SEMA3A: variants seen among roughly 807,000 people sequenced by gnomAD.
SEMA3A encodes semaphorin 3A.
A neutral mutation model predicts 97.9 loss-of-function variants in SEMA3A; 29 were observed. That is an observed-to-expected ratio of 0.30 (90% CI 0.22 to 0.40). The LOEUF (loss-of-function observed/expected upper bound fraction) is 0.40. Ranked by LOEUF, SEMA3A falls within the 10% of genes least tolerant of loss-of-function variation. The probability of loss-of-function intolerance (pLI) is 1.00; values close to 1 mark genes in which losing one functional copy is unlikely to be tolerated. For missense variants in SEMA3A, 763 were observed against 951.3 expected, an observed-to-expected ratio of 0.80 and a Z score of 2.60; for synonymous variants, 321 against 323.7, an observed-to-expected ratio of 0.99 and a Z score of 0.09.
chr7:84,017,631 T>G (rs1791159410), intron 6 of SEMA3A, among the ~76,000 whole-genome samples: 1 of 152,206 alleles, frequency 6.6e-6, no homozygotes, highest in African/African-American at 2.4e-5. Flanking sequence ...AAAGGAGCCA[T>G]TCTTCTAATG....
chr7:84,291,198 T>G (rs1800735205), intron 3 of SEMA3A, among the ~76,000 whole-genome samples: 1 of 152,096 alleles, frequency 6.6e-6, no homozygotes, highest in African/African-American at 2.4e-5. Context: ...ATAAAAATTT[T>G]AGATAATAAA....
chr7:84,091,135 AGAAGGAAG>A lies in SEMA3A; in HGVS notation c.453+19327_453+19334del, dbSNP rs1272289412. Among the ~76,000 whole-genome samples the A allele has an allele frequency of 2.4e-3, 122 of 50,964 alleles. 9 individuals carry two copies. The highest frequency in any genetic ancestry group is 3.1e-3 in the South Asian group (5 of 1,636). 33.4% of individuals were successfully genotyped at this position (50,964 alleles called of 152,430 possible). Reference sequence around the variant, plus strand: ...GAAAGAAAGAAAAAGAAAGAAAGAAAGAAGGAAGGAAGGAAGGAAGGAAGGAAGGAAGG... The same window carrying A: ...GAAAGAAAGAAAAAGAAAGAAAGAAAGAAGGAAGGAAGGAAGGAAGGAAGG... On this transcript the variant is annotated intron_variant, in intron 4 of 16. Coordinates refer to ENST00000265362, the MANE Select transcript of SEMA3A (RefSeq NM_006080.3).
chr7:84,068,282 G>T, intron 4 of SEMA3A, among the ~76,000 whole-genome samples: 1 of 145,480 alleles, frequency 6.9e-6, no homozygotes, highest in African/African-American at 2.6e-5. Context: ...GTGGGGTGGG[G>T]TGAGGGGGGA....
At chr7:84,181,039 A>G (rs1467167446) in intron 1 of SEMA3A, among the ~76,000 whole-genome samples, 1 of 152,078 alleles carries the variant, frequency 6.6e-6, no homozygotes, top group Non-Finnish European at 1.5e-5. Context: ...GTCTAACAAA[A>G]TATGAACTTA....
At chr7:84,180,610 C>T (rs971118334) in intron 1 of SEMA3A, among the ~76,000 whole-genome samples, 8 of 152,220 alleles carry the variant, frequency 5.3e-5, no homozygotes, top group African/African-American at 1.9e-4. Context: ...ATCACTTGAA[C>T]CCGGGAGGCT....
At chr7:84,344,970 T>A (rs1802260794) in intron 2 of SEMA3A, among the ~76,000 whole-genome samples, 1 of 152,122 alleles carries the variant, frequency 6.6e-6, no homozygotes, top group South Asian at 2.1e-4. Flanking sequence ...GTAAAGAACA[T>A]CTACAACACA....
intron 15 of SEMA3A, among the ~76,000 whole-genome samples, chr7:83,965,460 A>C (rs1788633997): frequency 6.6e-6 from 1 of 151,010 alleles, no homozygotes; most frequent in Admixed American, 6.6e-5. Context: ...TGTCTCTTGC[A>C]TAATCTGCTA....
intron 2 of SEMA3A, among the ~76,000 whole-genome samples, chr7:84,323,143 T>C (rs1377154751): frequency 6.6e-6 from 1 of 152,202 alleles, no homozygotes; most frequent in Admixed American, 6.5e-5. Context: ...AAATGCTCCA[T>C]AAGTATTAAC....
intron 1 of SEMA3A, among the ~76,000 whole-genome samples, chr7:84,419,033 A>G (rs961355828): frequency 1.3e-5 from 2 of 151,984 alleles, no homozygotes; most frequent in African/African-American, 2.4e-5. Context: ...GACTAATACA[A>G]TTGGTTTCTC....
intron 11 of SEMA3A, among the ~76,000 whole-genome samples, chr7:84,002,753 A>G (rs1009566011): frequency 3.9e-5 from 6 of 152,140 alleles, no homozygotes; most frequent in Non-Finnish European, 8.8e-5. Flanking sequence ...AGAATTAAGG[A>G]AATTTAACAT....
chr7:84,275,486 C>G (rs73711503), intron 3 of SEMA3A, among the ~76,000 whole-genome samples: 2,660 of 152,108 alleles, frequency 0.017, 76 homozygotes, highest in African/African-American at 0.061. Context: ...CTGGGATGCA[C>G]ACACCTGACA....
intron 2 of SEMA3A, among the ~76,000 whole-genome samples, chr7:84,327,394 GAGAA>G (rs1263241650): frequency 1.3e-5 from 2 of 151,648 alleles, no homozygotes; most frequent in Non-Finnish European, 2.9e-5. Context: ...GGAAGGAAAG[GAGAA>G]AGAGAGAAAG....
intron 4 of SEMA3A, among the ~76,000 whole-genome samples, chr7:84,077,900 T>A (rs906783530): frequency 1.3e-5 from 2 of 151,790 alleles, no homozygotes; most frequent in African/African-American, 4.8e-5. Context: ...TACTGAAAAA[T>A]TTTAATGCCA....
chr7:84,168,423 G>A (rs149899661), intron 1 of SEMA3A, among the ~76,000 whole-genome samples: 85 of 151,806 alleles, frequency 5.6e-4, no homozygotes, highest in African/African-American at 2.0e-3. Context: ...TTTAATATTT[G>A]GATTTGCCAA....
At chr7:83,967,006 C>G (rs561921488) in intron 15 of SEMA3A, among the ~76,000 whole-genome samples, 1 of 152,096 alleles carries the variant, frequency 6.6e-6, no homozygotes, top group South Asian at 2.1e-4. Flanking sequence ...CCACCGCGCC[C>G]GGCCAAAAGT....
intron 2 of SEMA3A, among the ~76,000 whole-genome samples, chr7:84,337,841 CA>C (rs1802074901): frequency 6.6e-6 from 1 of 152,042 alleles, no homozygotes; most frequent in Non-Finnish European, 1.5e-5. Flanking sequence ...AAAGAAAGAA[CA>C]AAAGCATACA....
intron 3 of SEMA3A, among the ~76,000 whole-genome samples, chr7:84,282,427 T>A (rs936456554): frequency 6.6e-6 from 1 of 152,128 alleles, no homozygotes; most frequent in Non-Finnish European, 1.5e-5. Flanking sequence ...ATTCTAAGCA[T>A]CCTCATATTT....
chr7:84,473,223 T>G (rs1806198877), intron 1 of SEMA3A, among the ~76,000 whole-genome samples: 1 of 151,556 alleles, frequency 6.6e-6, no homozygotes, highest in African/African-American at 2.4e-5. Flanking sequence ...TTATTTCCTC[T>G]GAAGGTTTTA....
chr7:84,367,312 T>C (rs1170575423), intron 2 of SEMA3A, among the ~76,000 whole-genome samples: 1 of 151,418 alleles, frequency 6.6e-6, no homozygotes, highest in Non-Finnish European at 1.5e-5. Flanking sequence ...TAATTCAGGT[T>C]ATATGCCATT....
Sources: gnomAD v4.1 joint callset for allele counts (sites outside exome capture counted in the v4.1 genomes callset) on GRCh38, gnomAD v4.1.1 for gene constraint, MANE v1.5 for transcripts, NCBI Gene and HGNC (gene_info 2026-07-23, HGNC 2026-07-21) for gene names.